NALCN: variants seen among roughly 807,000 people sequenced by gnomAD.
NALCN encodes the protein sodium leak channel NALCN.
A neutral mutation model predicts 225.3 loss-of-function variants in NALCN; 111 were observed. The observed-to-expected ratio is 0.49, with a 90% CI of 0.42 to 0.58. NALCN has a LOEUF of 0.58. Ranked by LOEUF, NALCN falls within the 20% of genes least tolerant of loss-of-function variation. The pLI is 0.00. For synonymous variants in NALCN, 764 were observed against 769.0 expected, an observed-to-expected ratio of 0.99 and a Z score of 0.11; for missense variants, 1,378 against 2,202.4, an observed-to-expected ratio of 0.63 and a Z score of 7.49.
At chr13:101,138,005 C>A (rs548055841) in intron 17 of NALCN, among the ~76,000 whole-genome samples, 1 of 152,322 alleles carries the variant, frequency 6.6e-6, no homozygotes, top group South Asian at 2.1e-4. Flanking sequence ...ACATCGAGCA[C>A]CTGATGCTTT....
At chr13:101,092,387 T>C (rs1221513833) in intron 28 of NALCN, among the ~76,000 whole-genome samples, 6 of 152,154 alleles carry the variant, frequency 3.9e-5, no homozygotes, top group Non-Finnish European at 7.3e-5. Flanking sequence ...TACACAACCA[T>C]CTCTCCTAAA....
At position 101,289,525 on chromosome 13, in the gene NALCN, C is replaced by CATATATATAT. The variant is rs10549837; in HGVS notation, c.1047+2455_1047+2464dup. 3.9e-3 allele frequency among the ~76,000 whole-genome samples: 551 copies of CATATATATAT among 140,836 alleles called. 5 individuals are homozygous for CATATATATAT. Among genetic ancestry groups the CATATATATAT allele is most frequent in the African/African-American group, 7.6e-3 (293 of 38,398 alleles). The allele number at this position is 140,836 out of a possible 152,430, so 92.4% of individuals were successfully genotyped here. ...GCCCCTTCTTTGTTCTGAAAATGTG[C>CATATATATAT]ATATATATATATATATATATATATA... On this transcript the variant is annotated intron_variant, in intron 9 of 43. Coordinates refer to ENST00000251127, the MANE Select transcript of NALCN (RefSeq NM_052867.4).
intron 13 of NALCN, among the ~76,000 whole-genome samples, chr13:101,223,597 C>T (rs1305411948): frequency 6.6e-6 from 1 of 152,120 alleles, no homozygotes; most frequent in African/African-American, 2.4e-5. Flanking sequence ...GGAAGCTACA[C>T]ATCCCCTATC....
chr13:101,389,530 G>T (rs1036136257), intron 3 of NALCN, among the ~76,000 whole-genome samples: 1 of 152,124 alleles, frequency 6.6e-6, no homozygotes, highest in Non-Finnish European at 1.5e-5. Context: ...TGGGGCCAGT[G>T]GGTAAGAAAT....
At chr13:101,324,902 G>A (rs1040565735) in intron 7 of NALCN, among the ~76,000 whole-genome samples, 1 of 152,160 alleles carries the variant, frequency 6.6e-6, no homozygotes, top group Non-Finnish European at 1.5e-5. Context: ...GTATGATATT[G>A]GCTGTGGTTT....
intron 11 of NALCN, among the ~76,000 whole-genome samples, chr13:101,253,919 A>C (rs576955317): frequency 6.6e-6 from 1 of 152,362 alleles, no homozygotes; most frequent in South Asian, 2.1e-4. Flanking sequence ...AAACTTTATA[A>C]AAATAGAATA....
intron 15 of NALCN, among the ~76,000 whole-genome samples, chr13:101,149,992 A>G (rs7989496): frequency 6.6e-6 from 1 of 152,134 alleles, no homozygotes; most frequent in African/African-American, 2.4e-5. Context: ...TAAAAGTCCC[A>G]AAATGTGAAC....
intron 7 of NALCN, among the ~76,000 whole-genome samples, chr13:101,310,945 A>T (rs9518370): frequency 0.59 from 89,261 of 151,150 alleles, 26,670 homozygotes; most frequent in East Asian, 0.78. Context: ...GTAAATTACC[A>T]TGGGCAGTGT....
In NALCN at chr13:101,062,107, T is replaced by TA. The variant is rs2031999406; in HGVS notation, c.4615dup (p.Tyr1539LeufsTer48). The TA allele has an allele frequency of 6.2e-7, 1 of 1,613,912 alleles. No individual in the cohort carries two copies. The highest frequency in any genetic ancestry group is 8.5e-7 in the Non-Finnish European group (1 of 1,179,972). ...GCTCTTCCGGATGTCCACGGACCGG[T>TA]ATGAAAGCATGCTGGTGGGAGAAAC... On this transcript the variant is annotated frameshift_variant, in exon 41 of 44. Coordinates refer to ENST00000251127, the MANE Select transcript of NALCN (RefSeq NM_052867.4). LOFTEE classifies it high-confidence loss of function.
At chr13:101,231,464 G>T (rs2041346322) in intron 12 of NALCN, among the ~76,000 whole-genome samples, 1 of 152,156 alleles carries the variant, frequency 6.6e-6, no homozygotes, top group African/African-American at 2.4e-5. Context: ...AAAAGCTGAA[G>T]TATATAGTGT....
At chr13:101,182,625 G>A (rs572251467) in intron 14 of NALCN, among the ~76,000 whole-genome samples, 1 of 152,178 alleles carries the variant, frequency 6.6e-6, no homozygotes, top group Non-Finnish European at 1.5e-5. Flanking sequence ...GGTTTCCGCT[G>A]AAGCCCTATT....
At chr13:101,130,669 C>T (rs1224394748) in intron 17 of NALCN, among the ~76,000 whole-genome samples, 1 of 152,182 alleles carries the variant, frequency 6.6e-6, no homozygotes, top group Non-Finnish European at 1.5e-5. Flanking sequence ...ATATATGTTA[C>T]TCTATTTTCT....
chr13:101,254,146 G>C (rs1164473317), intron 11 of NALCN, among the ~76,000 whole-genome samples: 4 of 151,952 alleles, frequency 2.6e-5, no homozygotes, highest in Non-Finnish European at 5.9e-5. Flanking sequence ...ACTCTGGGAG[G>C]TCAAGATGGA....
intron 6 of NALCN, among the ~76,000 whole-genome samples, chr13:101,349,839 ACAC>A (rs1374284812): frequency 1.3e-5 from 2 of 152,112 alleles, no homozygotes; most frequent in East Asian, 1.9e-4. Flanking sequence ...CCACTTGGCT[ACAC>A]CACAAGTACC....
At chr13:101,076,050 G>A (rs1399765298) in intron 34 of NALCN, 109 bp from the exon 35 acceptor site, 1 of 757,200 alleles carries the variant, frequency 1.3e-6, no homozygotes, top group Non-Finnish European at 2.0e-6. Context: ...CTTAATATGT[G>A]TAAATTATTA....
At chr13:101,346,529 G>A (rs1382506133) in intron 6 of NALCN, among the ~76,000 whole-genome samples, 1 of 152,098 alleles carries the variant, frequency 6.6e-6, no homozygotes, top group Admixed American at 6.6e-5. Context: ...GAAATAACCA[G>A]ACAAATAAGG....
At chr13:101,200,615 G>A (rs2040078974) in intron 13 of NALCN, among the ~76,000 whole-genome samples, 1 of 152,126 alleles carries the variant, frequency 6.6e-6, no homozygotes, top group Non-Finnish European at 1.5e-5. Flanking sequence ...GCTAGGCCAT[G>A]TTGCCTACAC....
chr13:101,402,280 C>T (rs977569552), intron 1 of NALCN, among the ~76,000 whole-genome samples: 1 of 152,090 alleles, frequency 6.6e-6, no homozygotes, highest in East Asian at 1.9e-4. Context: ...AGTTCAATAT[C>T]GGGAGAGAGG....
intron 17 of NALCN, among the ~76,000 whole-genome samples, chr13:101,130,428 T>C (rs1224241194): frequency 6.6e-6 from 1 of 152,254 alleles, no homozygotes; most frequent in Non-Finnish European, 1.5e-5. Context: ...AGTTGTTACA[T>C]ATGAATGTGA....
Sources: gnomAD v4.1 joint callset for allele counts (sites outside exome capture counted in the v4.1 genomes callset) on GRCh38, gnomAD v4.1.1 for gene constraint, MANE v1.5 for transcripts, NCBI Gene and HGNC (gene_info 2026-07-23, HGNC 2026-07-21) for gene names.